The following MIPEP variants were observed in gnomAD, a reference collection of about 807,000 sequenced individuals.
MIPEP encodes the protein mitochondrial intermediate peptidase.
A neutral mutation model predicts 90.3 loss-of-function variants in MIPEP; 79 were observed. The ratio of observed to expected loss-of-function variants is 0.87; its 90% confidence interval spans 0.73 to 1.05. The LOEUF (loss-of-function observed/expected upper bound fraction) is 1.05. Ranked by LOEUF, MIPEP falls within the 50% of genes least tolerant of loss-of-function variation. The pLI is 0.00. For missense variants in MIPEP, 940 were observed against 905.6 expected, an observed-to-expected ratio of 1.04 and a Z score of -0.49; for synonymous variants, 334 against 315.8, an observed-to-expected ratio of 1.06 and a Z score of -0.61.
intron 10 of MIPEP, among the ~76,000 whole-genome samples, chr13:23,849,523 T>C (rs1441868908): frequency 2.0e-5 from 3 of 152,248 alleles, no homozygotes; most frequent in African/African-American, 7.2e-5. Context: ...TACAGGTGAC[T>C]GAATAAGTCC....
At chr13:23,755,210 G>A (rs1045770756) in intron 18 of MIPEP, among the ~76,000 whole-genome samples, 4 of 152,222 alleles carry the variant, frequency 2.6e-5, no homozygotes, top group African/African-American at 9.6e-5. Context: ...CAAAGCTGAT[G>A]GAATGAATGC....
In MIPEP at chr13:23,869,597, A is replaced by C. The variant is rs994188806; in HGVS notation, c.787-149T>G. 1.9e-5 allele frequency: 14 copies of C among 729,768 alleles called. No individual in the cohort carries two copies. The African/African-American group carries it at 2.5e-4, about 13-fold the overall frequency. The allele number at this position is 729,768 out of a possible 1,614,324, so 45.2% of individuals were successfully genotyped here. On this transcript the variant is annotated intron_variant, in intron 6 of 18. Transcript: ENST00000382172. ...GTCTACACGAGGCCATAAAGCTTCC[A>C]GAGTCATAAAATAGCATGGGATGCA...
At chr13:23,735,794 A>G (rs74041365) in intron 18 of MIPEP, among the ~76,000 whole-genome samples, 2,968 of 152,286 alleles carry the variant, frequency 0.019, 102 homozygotes, top group African/African-American at 0.068. Context: ...GATAATGAAG[A>G]ATAGTTACTG....
chr13:23,731,510 C>A (rs1403431795), intron 18 of MIPEP, among the ~76,000 whole-genome samples: 1 of 152,132 alleles, frequency 6.6e-6, no homozygotes, highest in Non-Finnish European at 1.5e-5. Context: ...GAGATGGTCA[C>A]AGACCTAAGT....
chr13:23,811,896 G>A (rs1332461604), intron 14 of MIPEP, among the ~76,000 whole-genome samples: 2 of 151,938 alleles, frequency 1.3e-5, no homozygotes, highest in Non-Finnish European at 2.9e-5. Flanking sequence ...AGTTCTCAGG[G>A]AGGTGGATTT....
chr13:23,836,356 C>T lies in MIPEP; in HGVS notation c.1544-7G>A. 6.7e-7 allele frequency: 1 copy of T among 1,500,606 alleles called. No homozygotes were observed. The highest frequency in any genetic ancestry group is 8.9e-7 in the Non-Finnish European group (1 of 1,123,404). 93.0% of individuals were successfully genotyped at this position (1,500,606 alleles called of 1,614,324 possible). A position where few individuals can be genotyped will look rare whatever the true frequency, so the allele number is the denominator to read the frequency against. On this transcript the variant is annotated splice_region_variant and splice_polypyrimidine_tract_variant and intron_variant, in intron 13 of 18. Transcript: ENST00000382172. Reference sequence around the variant, plus strand: ...TCAGTAGGGCACCTGGTCCCTAAAACAAGAAAAAAAAAAAAGTTGGCATGA... The same window carrying T: ...TCAGTAGGGCACCTGGTCCCTAAAATAAGAAAAAAAAAAAAGTTGGCATGA...
At chr13:23,732,957 T>C (rs570704000) in intron 18 of MIPEP, among the ~76,000 whole-genome samples, 41 of 152,356 alleles carry the variant, frequency 2.7e-4, no homozygotes, top group African/African-American at 8.4e-4. Flanking sequence ...TCTAATGCTA[T>C]GCATGTAAAC....
chr13:23,806,866 G>T (rs1953116449), intron 15 of MIPEP, among the ~76,000 whole-genome samples: 1 of 152,150 alleles, frequency 6.6e-6, no homozygotes, highest in Non-Finnish European at 1.5e-5. Context: ...TTAAATGAGA[G>T]AAATGAAACG....
chr13:23,772,268 T>A (rs1360234190), intron 16 of MIPEP, among the ~76,000 whole-genome samples: 1 of 151,832 alleles, frequency 6.6e-6, no homozygotes, highest in Non-Finnish European at 1.5e-5. Context: ...TTGTCTCATC[T>A]GAAGAATTTC....
chr13:23,842,342 A>G (rs1869333814), intron 10 of MIPEP: 2 of 152,198 alleles, frequency 1.3e-5, no homozygotes, highest in Admixed American at 6.5e-5. Context: ...ACAAATTTAT[A>G]TATAAAAATA....
intron 14 of MIPEP, among the ~76,000 whole-genome samples, chr13:23,812,819 A>C (rs1953189897): frequency 6.6e-6 from 1 of 152,248 alleles, no homozygotes; most frequent in African/African-American, 2.4e-5. Flanking sequence ...TTAAGTACCC[A>C]ATTATCTATT....
chr13:23,869,163 T>C (rs1320292541), intron 7 of MIPEP, 129 bp downstream of exon 7: 2 of 831,232 alleles, frequency 2.4e-6, no homozygotes, highest in East Asian at 2.8e-5. Context: ...TAAAAATACA[T>C]AGAAAATCTC....
Position 23,889,228 on chromosome 13 carries a change from G to A in MIPEP, c.93C>T (p.Ile31=). The change falls in exon 1 of 19, where the codon ATC becomes ATT. Residue 31 remains isoleucine (I), a synonymous_variant. Transcript: ENST00000382172. ...RAGRGSLEAG[I]RARRVSTSWS... ...AGCTGGTGCTGACCCTTCGGGCCCGGATCCCGGCTTCGAGGCTTCCCCGGC... is the reference window on the plus strand; with the variant it reads ...AGCTGGTGCTGACCCTTCGGGCCCGAATCCCGGCTTCGAGGCTTCCCCGGC... The A allele has an allele frequency of 7.1e-7, 1 of 1,414,548 alleles. No individual in the cohort carries two copies. The highest frequency in any genetic ancestry group is 1.5e-5 in the South Asian group (1 of 64,894). 87.6% of individuals were successfully genotyped at this position (1,414,548 alleles called of 1,614,324 possible). A position where few individuals can be genotyped will look rare whatever the true frequency, so the allele number is the denominator to read the frequency against.
chr13:23,831,380 T>TGGCC lies in MIPEP; in HGVS notation c.1653+4859_1653+4860insGGCC, dbSNP rs1555237494. Among the ~76,000 whole-genome samples the TGGCC allele has an allele frequency of 6.4e-4, 10 of 15,644 alleles. 1 individual carries two copies. Among genetic ancestry groups the TGGCC allele is most frequent in the East Asian group, 6.3e-3 (1 of 160 alleles). The allele number at this position is 15,644 out of a possible 152,430, so 10.3% of individuals were successfully genotyped here. A position where few individuals can be genotyped will look rare whatever the true frequency, so the allele number is the denominator to read the frequency against. On this transcript the variant is annotated intron_variant, in intron 14 of 18. Transcript: ENST00000382172. ...CGTCGGGGACAGCCTAGCTTCCCCATGGCGGGGGGGGGATGTGGATGGGAA... is the reference window on the plus strand; with the variant it reads ...CGTCGGGGACAGCCTAGCTTCCCCATGGCCGGCGGGGGGGGGATGTGGATGGGAA...
At chr13:23,771,786 C>T (rs890222023) in intron 16 of MIPEP, among the ~76,000 whole-genome samples, 5 of 152,142 alleles carry the variant, frequency 3.3e-5, no homozygotes, top group African/African-American at 4.8e-5. Flanking sequence ...TACCTAATAA[C>T]TCTAAATGAT....
At chr13:23,746,805 A>G (rs1952389018) in intron 18 of MIPEP, among the ~76,000 whole-genome samples, 1 of 152,186 alleles carries the variant, frequency 6.6e-6, no homozygotes, top group African/African-American at 2.4e-5. Context: ...AATCATTAGT[A>G]TATTTTTTGG....
intron 16 of MIPEP, among the ~76,000 whole-genome samples, chr13:23,782,830 C>G (rs1291133589): frequency 1.3e-5 from 2 of 152,202 alleles, no homozygotes; most frequent in Non-Finnish European, 2.9e-5. Flanking sequence ...ATAAACACCT[C>G]TACGCAAATA....
intron 14 of MIPEP, among the ~76,000 whole-genome samples, chr13:23,822,999 C>A (rs1489979592): frequency 6.6e-6 from 1 of 151,854 alleles, no homozygotes; most frequent in African/African-American, 2.4e-5. Flanking sequence ...AATACAGAAT[C>A]CTGAACCCAC....
At chr13:23,799,462 GGCT>G (rs1953008575) in intron 16 of MIPEP, among the ~76,000 whole-genome samples, 1 of 152,048 alleles carries the variant, frequency 6.6e-6, no homozygotes, top group African/African-American at 2.4e-5. Context: ...AAGTAGCTGG[GGCT>G]ACATGCGCCC....
Sources: allele counts gnomAD v4.1 joint callset (sites outside exome capture counted in the v4.1 genomes callset), GRCh38; gene constraint gnomAD v4.1.1; transcripts MANE v1.5; gene names NCBI Gene and HGNC (gene_info 2026-07-23, HGNC 2026-07-21).